SH3RF3: variants seen among roughly 807,000 people sequenced by gnomAD.
The protein encoded by SH3RF3 is SH3 domain containing ring finger 3, also known as E3 ubiquitin-protein ligase SH3RF3.
SH3RF3 carries 29 observed loss-of-function variants against 66.3 expected under a neutral mutation model. The observed-to-expected ratio is 0.44, with a 90% CI of 0.33 to 0.60. The LOEUF (loss-of-function observed/expected upper bound fraction) is 0.60, where lower values mean the gene tolerates loss of function less well. SH3RF3 is among the 20% of genes least tolerant of loss of function. The probability of loss-of-function intolerance (pLI) is 0.04; values close to 1 mark genes in which losing one functional copy is unlikely to be tolerated. For missense variants in SH3RF3, 1,194 were observed against 1,190.9 expected (o/e 1.00, Z -0.04); for synonymous variants, 583 against 532.0 (o/e 1.10, Z -1.32).
At chr2:109,501,182 G>C (rs1045231702) in intron 9 of SH3RF3, among the ~76,000 whole-genome samples, 11 of 152,280 alleles carry the variant, frequency 7.2e-5, no homozygotes, top group African/African-American at 2.6e-4. Flanking sequence ...AGTCTAGGTG[G>C]GTGGGCCAGG....
chr2:109,290,503 C>T (rs1321223554), intron 1 of SH3RF3, among the ~76,000 whole-genome samples: 1 of 152,270 alleles, frequency 6.6e-6, no homozygotes, highest in African/African-American at 2.4e-5. Flanking sequence ...TTCTATTTTC[C>T]TCACTGTCTC....
chr2:109,150,765 A>G (rs972837896), intron 1 of SH3RF3, among the ~76,000 whole-genome samples: 3 of 152,058 alleles, frequency 2.0e-5, no homozygotes, highest in Non-Finnish European at 2.9e-5. Flanking sequence ...TTCTGTTCTG[A>G]TCTCCTCAAA....
Position 109,426,769 on chromosome 2 carries a change from A to G in SH3RF3, c.1404-5732A>G, listed in dbSNP as rs560731266. On this transcript the variant is annotated intron_variant, in intron 5 of 9. Transcript: ENST00000309415. ...AGCATCAAATGCTATAGAGAAATCT[A>G]TCATGAAAGAAAGAGTCAATGTAGC... 5.3e-5 allele frequency among the ~76,000 whole-genome samples: 8 copies of G among 152,304 alleles called. No individual in the cohort carries two copies. In the East Asian group the frequency reaches 1.5e-3, roughly 29 times the overall value.
intron 1 of SH3RF3, among the ~76,000 whole-genome samples, chr2:109,140,943 C>A (rs1318023554): frequency 6.6e-6 from 1 of 152,186 alleles, no homozygotes; most frequent in African/African-American, 2.4e-5. Context: ...ACTTTCATAA[C>A]CCCCACCTTC....
At chr2:109,250,289 G>A (rs1014950223) in intron 1 of SH3RF3, among the ~76,000 whole-genome samples, 4 of 151,918 alleles carry the variant, frequency 2.6e-5, no homozygotes, top group South Asian at 4.2e-4. Flanking sequence ...AAGACATCTC[G>A]CCCATTGCTG....
intron 1 of SH3RF3, among the ~76,000 whole-genome samples, chr2:109,140,802 C>T (rs1242380262): frequency 6.6e-6 from 1 of 152,208 alleles, no homozygotes; most frequent in African/African-American, 2.4e-5. Context: ...GGTAACATCT[C>T]CTCTGTGTCC....
chr2:109,427,259 G>A (rs954791048), intron 5 of SH3RF3, among the ~76,000 whole-genome samples: 3 of 152,248 alleles, frequency 2.0e-5, no homozygotes, highest in Middle Eastern at 3.4e-3. Context: ...GTGAGTCACC[G>A]TGCCTGGACA....
At chr2:109,142,013 C>G (rs973492820) in intron 1 of SH3RF3, among the ~76,000 whole-genome samples, 57 of 151,334 alleles carry the variant, frequency 3.8e-4, no homozygotes, top group African/African-American at 1.4e-3. Context: ...GCCCCCTGCC[C>G]AAGTCCTCTT....
intron 1 of SH3RF3, among the ~76,000 whole-genome samples, chr2:109,170,229 CTTCTCTTCTTTTCTT>C (rs1455895821): frequency 0.013 from 926 of 72,966 alleles, 14 homozygotes; most frequent in African/African-American, 0.044. Flanking sequence ...TTTCTCTTCT[CTTCTCTTCTTTTCTT>C]TTCTCTTCTC....
chr2:109,394,325 AT>A (rs1676083968), intron 3 of SH3RF3, among the ~76,000 whole-genome samples: 1 of 152,152 alleles, frequency 6.6e-6, no homozygotes, highest in Non-Finnish European at 1.5e-5. Flanking sequence ...CCCCTGTGGG[AT>A]GGTGAGCCCT....
intron 8 of SH3RF3, among the ~76,000 whole-genome samples, chr2:109,475,624 C>A (rs1475360031): frequency 1.3e-5 from 2 of 152,250 alleles, no homozygotes; most frequent in Non-Finnish European, 2.9e-5. Flanking sequence ...AGATAATCCT[C>A]TGTTTTGAGG....
At chr2:109,171,840 A>G (rs1214954128) in intron 1 of SH3RF3, among the ~76,000 whole-genome samples, 3 of 152,268 alleles carry the variant, frequency 2.0e-5, no homozygotes, top group African/African-American at 7.2e-5. Flanking sequence ...TCATCCAGGA[A>G]TGAAGATGTT....
intron 1 of SH3RF3, among the ~76,000 whole-genome samples, chr2:109,254,853 CTG>C (rs1680182121): frequency 6.6e-6 from 1 of 152,188 alleles, no homozygotes; most frequent in Non-Finnish European, 1.5e-5. Context: ...TATCTGCTCT[CTG>C]TGGATGTCCG....
At chr2:109,130,309 G>T (rs1676659452) in intron 1 of SH3RF3, among the ~76,000 whole-genome samples, 196 bp downstream of exon 1, 1 of 152,204 alleles carries the variant, frequency 6.6e-6, no homozygotes, top group Non-Finnish European at 1.5e-5. Flanking sequence ...GCTTGTTCAC[G>T]TGTGTCCCAT....
intron 1 of SH3RF3, among the ~76,000 whole-genome samples, chr2:109,281,995 A>T (rs917418352): frequency 6.6e-6 from 1 of 152,020 alleles, no homozygotes; most frequent in Non-Finnish European, 1.5e-5. Context: ...GGCTTTCGGG[A>T]TGCTCCAGGG....
chr2:109,239,198 A>G (rs1393320037), intron 1 of SH3RF3, among the ~76,000 whole-genome samples: 1 of 152,090 alleles, frequency 6.6e-6, no homozygotes, highest in Non-Finnish European at 1.5e-5. Flanking sequence ...AGCCCTGCAC[A>G]GTGCTCCGAA....
intron 6 of SH3RF3, among the ~76,000 whole-genome samples, chr2:109,435,770 T>G (rs1219054720): frequency 6.6e-6 from 1 of 152,248 alleles, no homozygotes; most frequent in Non-Finnish European, 1.5e-5. Context: ...CTTTATTTAG[T>G]TTTTAAAAAT....
chr2:109,501,631 G>A lies in SH3RF3; in HGVS notation c.2609G>A (p.Arg870His), dbSNP rs372085001. ...AAGGGGACCCTGCAGCGGAACGGCCGCACAGGCCTCTTCCCGGGCAGCTTC... is the reference window on the plus strand; with the variant it reads ...AAGGGGACCCTGCAGCGGAACGGCCACACAGGCCTCTTCCCGGGCAGCTTC... The part of the protein sequence containing the change: ...WYKGTLQRNG[R>H]TGLFPGSFVE... Residue 870 changes from arginine (R) to histidine (H), a missense_variant, in exon 10 of 10, where the codon CGC (arginine) becomes CAC (histidine). Arg to His is a conservative substitution (Grantham distance 29). Coordinates refer to ENST00000309415, the MANE Select transcript of SH3RF3 (RefSeq NM_001099289.3). 8.0e-5 allele frequency: 62 copies of A among 776,570 alleles called. No individual in the cohort carries two copies. The highest frequency in any genetic ancestry group is 6.5e-4 in the Admixed American group (38 of 58,490). The allele number at this position is 776,570 out of a possible 1,614,324, so 48.1% of individuals were successfully genotyped here. A position where few individuals can be genotyped will look rare whatever the true frequency, so the allele number is the denominator to read the frequency against.
At chr2:109,317,826 G>A (rs1219005144) in intron 1 of SH3RF3, among the ~76,000 whole-genome samples, 3 of 152,054 alleles carry the variant, frequency 2.0e-5, no homozygotes, top group Admixed American at 6.5e-5. Context: ...AAGAACTAGC[G>A]CATCCGTCTT....
Sources: gnomAD v4.1 joint callset for allele counts (sites outside exome capture counted in the v4.1 genomes callset) on GRCh38, gnomAD v4.1.1 for gene constraint, MANE v1.5 for transcripts, NCBI Gene and HGNC (gene_info 2026-07-23, HGNC 2026-07-21) for gene names.